ACTR3C: variants seen among roughly 807,000 people sequenced by gnomAD.
ACTR3C encodes actin-related protein 3C.
Under a neutral mutation model 26.3 loss-of-function variants are expected in ACTR3C, and 18 were observed. The observed-to-expected ratio is 0.68, with a 90% CI of 0.47 to 1.01. The LOEUF is 1.01. ACTR3C is among the 50% of genes least tolerant of loss of function. The pLI, the probability that ACTR3C is intolerant of heterozygous loss-of-function variation, is 0.00. For missense variants in ACTR3C, 184 were observed against 250.7 expected (o/e 0.73, Z 1.80); for synonymous variants, 55 against 94.5 (o/e 0.58, Z 2.42).
the ACTR3C span, among the ~76,000 whole-genome samples, chr7:150,200,123 G>T: frequency 5.9e-5 from 9 of 152,156 alleles, no homozygotes; most frequent in African/African-American, 2.2e-4. Flanking sequence ...CGATAATGAA[G>T]AAGAACCTTA....
chr7:149,958,953 T>G, the ACTR3C span, among the ~76,000 whole-genome samples: 6,518 of 152,230 alleles, frequency 0.043, 198 homozygotes, highest in Non-Finnish European at 0.064. Context: ...CACCAGAACA[T>G]CAGTGTATTC....
chr7:150,319,642 T>C (rs1313808708), intron 1 of ACTR3C, among the ~76,000 whole-genome samples: 1 of 152,364 alleles, frequency 6.6e-6, no homozygotes. Context: ...ACTTTGTCCA[T>C]CCAATTACTT....
At chr7:149,911,944 A>T in the ACTR3C span, among the ~76,000 whole-genome samples, 1 of 149,196 alleles carries the variant, frequency 6.7e-6, no homozygotes, top group South Asian at 2.1e-4. Flanking sequence ...CAGGAGTTCG[A>T]GGTTGCAGTG....
the ACTR3C span, among the ~76,000 whole-genome samples, chr7:149,949,201 T>TATAC: frequency 3.3e-4 from 47 of 144,304 alleles, 5 homozygotes; most frequent in African/African-American, 1.2e-3. Context: ...TATACATATA[T>TATAC]ACACACACAC....
chr7:150,046,429 G>A, the ACTR3C span, among the ~76,000 whole-genome samples: 1 of 146,824 alleles, frequency 6.8e-6, no homozygotes, highest in Admixed American at 7.3e-5. Context: ...GGCTGCAGAG[G>A]TAATGACCAA....
chr7:149,920,042 GT>G, the ACTR3C span, among the ~76,000 whole-genome samples: 1 of 151,344 alleles, frequency 6.6e-6, no homozygotes, highest in East Asian at 1.9e-4. Context: ...TTATTCAATT[GT>G]TTTTGCCTTC....
the ACTR3C span, among the ~76,000 whole-genome samples, chr7:150,209,298 GAGAGAC>G: frequency 7.0e-6 from 1 of 143,774 alleles, no homozygotes; most frequent in Non-Finnish European, 1.5e-5. Flanking sequence ...CAGAGAGAGA[GAGAGAC>G]AGAAACAGAG....
chr7:149,921,257 T>C, the ACTR3C span, among the ~76,000 whole-genome samples: 1,237 of 152,280 alleles, frequency 8.1e-3, 14 homozygotes, highest in African/African-American at 0.028. Context: ...CTGACTACAG[T>C]AGATGCCTTC....
At chr7:150,311,604 C>G (rs1421580297) in intron 1 of ACTR3C, among the ~76,000 whole-genome samples, 5 of 152,224 alleles carry the variant, frequency 3.3e-5, no homozygotes. Flanking sequence ...CAGCACAAGT[C>G]CTGAGCCACA....
chr7:150,164,952 A>T, the ACTR3C span, among the ~76,000 whole-genome samples: 1 of 152,194 alleles, frequency 6.6e-6, no homozygotes, highest in South Asian at 2.1e-4. Flanking sequence ...TTTTCACCTC[A>T]TTTAACCCTC....
chr7:150,125,748 A>G, the ACTR3C span, among the ~76,000 whole-genome samples: 15 of 152,226 alleles, frequency 9.9e-5, 1 homozygote, highest in South Asian at 3.1e-3. Context: ...CGTAGTAGGT[A>G]TTTAGTATTT....
rs2530943 is a variant in ACTR3C at position 150,274,048 on chromosome 7, A to G, written c.564+10705T>C. On this transcript the variant is annotated intron_variant, in intron 6 of 7. Transcript: ENST00000683684. This position sits in a 1 kb window ranked among gnomAD's most constrained non-coding sequence, Gnocchi z 4.1. The stretch of plus-strand genomic sequence containing the variant: ...TGGTCGCCCTCTTGAGATGTGTTTC[A>G]GGTAGGGAGACAGAACTATTAAGTA... 0.23 allele frequency among the ~76,000 whole-genome samples: 33,773 copies of G among 144,456 alleles called. 6,714 individuals carry two copies. Among genetic ancestry groups the G allele is most frequent in the African/African-American group, 0.54 (20,239 of 37,640 alleles). The allele number at this position is 144,456 out of a possible 152,430, so 94.8% of individuals were successfully genotyped here.
chr7:150,037,059 C>T, the ACTR3C span, among the ~76,000 whole-genome samples: 155 of 97,114 alleles, frequency 1.6e-3, 5 homozygotes, highest in African/African-American at 5.0e-3. Context: ...CAGTCCCCAC[C>T]CTCGCGGGGG....
chr7:150,186,506 TA>T, the ACTR3C span, among the ~76,000 whole-genome samples: 1 of 152,242 alleles, frequency 6.6e-6, no homozygotes, highest in Admixed American at 6.5e-5. Context: ...TTAATCAGGA[TA>T]AAAAACACGT....
the ACTR3C span, among the ~76,000 whole-genome samples, chr7:150,136,808 G>A: frequency 6.6e-6 from 1 of 152,224 alleles, no homozygotes; most frequent in South Asian, 2.1e-4. Flanking sequence ...AAGTCTCAGA[G>A]CTCAACCAGG....
At chr7:150,283,494 C>T (rs867999703) in intron 6 of ACTR3C, among the ~76,000 whole-genome samples, 1 of 149,240 alleles carries the variant, frequency 6.7e-6, no homozygotes. Flanking sequence ...AACTTTAAAA[C>T]ACAAAATGGA....
At chr7:150,227,704 T>G in the ACTR3C span, among the ~76,000 whole-genome samples, 3 of 146,824 alleles carry the variant, frequency 2.0e-5, no homozygotes, top group East Asian at 2.0e-4. Flanking sequence ...TTTTTTTGTT[T>G]TTTTTTTTTG....
the ACTR3C span, among the ~76,000 whole-genome samples, chr7:150,186,098 A>C: frequency 6.6e-6 from 1 of 152,208 alleles, no homozygotes; most frequent in African/African-American, 2.4e-5. Flanking sequence ...CTGCACAGGC[A>C]AGGTGAGAAA....
chr7:150,105,019 G>C, the ACTR3C span, among the ~76,000 whole-genome samples: 1 of 151,560 alleles, frequency 6.6e-6, no homozygotes, highest in Non-Finnish European at 1.5e-5. Flanking sequence ...TAGTTGAAGG[G>C]TGTTATTGAG....
Sources: allele counts gnomAD v4.1 joint callset (sites outside exome capture counted in the v4.1 genomes callset), GRCh38; gene constraint gnomAD v4.1.1; non-coding constraint Gnocchi (gnomAD v3.1); transcripts MANE v1.5; gene names NCBI Gene and HGNC (gene_info 2026-07-23, HGNC 2026-07-21).